The following CACNA1D variants were observed in gnomAD, a reference collection of about 807,000 sequenced individuals.
The protein encoded by CACNA1D is voltage-dependent L-type calcium channel subunit alpha-1D.
Under a neutral mutation model 257.1 loss-of-function variants are expected in CACNA1D, and 55 were observed. The ratio of observed to expected loss-of-function variants is 0.21; its 90% confidence interval spans 0.17 to 0.27. CACNA1D has a LOEUF of 0.27. CACNA1D is among the 10% of genes least tolerant of loss of function. The pLI is 1.00. For synonymous variants in CACNA1D, 980 were observed against 1,014.9 expected, an observed-to-expected ratio of 0.97 and a Z score of 0.65; for missense variants, 1,876 against 2,784.0, an observed-to-expected ratio of 0.67 and a Z score of 7.34.
chr3:53,592,281 AG>A (rs2093316302), intron 3 of CACNA1D, among the ~76,000 whole-genome samples: 1 of 152,240 alleles, frequency 6.6e-6, no homozygotes, highest in Admixed American at 6.5e-5. Flanking sequence ...AAAGAAGTGA[AG>A]GGAGCAAGCT....
In CACNA1D at chr3:53,497,478, G is replaced by A. The variant is rs558061317; in HGVS notation, c.377+17G>A. ...GGAATGGAAGTATCCTTTTTTTGGG[G>A]GAAGTCTTTCTCATTTTCTCTTTTA... On this transcript the variant is annotated intron_variant, in intron 2 of 47. Coordinates refer to ENST00000350061, the MANE Select transcript of CACNA1D (RefSeq NM_001128840.3). 62 of 1,611,550 alleles carry A rather than the reference G, an allele frequency of 3.8e-5. No homozygotes were observed. Among genetic ancestry groups the A allele is most frequent in the Non-Finnish European group, 8.5e-7 (1 of 1,177,990 alleles).
intron 5 of CACNA1D, among the ~76,000 whole-genome samples, chr3:53,661,172 G>A (rs1394711955): frequency 6.6e-6 from 1 of 152,184 alleles, no homozygotes; most frequent in African/African-American, 2.4e-5. Flanking sequence ...TCTGAGGGCT[G>A]GTGCGTCTGA....
intron 46 of CACNA1D, 132 bp from the exon 47 acceptor site, chr3:53,809,846 C>A: frequency 1.2e-6 from 1 of 809,206 alleles, no homozygotes; most frequent in South Asian, 1.4e-5. Context: ...TTCAGTGTGC[C>A]CATGTCCTTT....
chr3:53,548,361 TTTTTTTTTTTA>T (rs1019256471), intron 3 of CACNA1D, among the ~76,000 whole-genome samples: 167 of 138,884 alleles, frequency 1.2e-3, no homozygotes, highest in African/African-American at 4.9e-3. Context: ...GCTTTTTTTT[TTTTTTTTTTTA>T]AAAATTATCT....
chr3:53,691,881 A>T (rs1405743645), intron 8 of CACNA1D, among the ~76,000 whole-genome samples: 4 of 97,896 alleles, frequency 4.1e-5, no homozygotes, highest in East Asian at 3.6e-4. Flanking sequence ...ATTACATATA[A>T]TATATATTAT....
intron 3 of CACNA1D, among the ~76,000 whole-genome samples, chr3:53,615,104 A>G (rs2093622850): frequency 6.6e-6 from 1 of 152,224 alleles, no homozygotes; most frequent in Non-Finnish European, 1.5e-5. Flanking sequence ...ATTGGTCACC[A>G]GACCATCATT....
intron 35 of CACNA1D, among the ~76,000 whole-genome samples, chr3:53,776,325 T>C (rs945441429): frequency 6.6e-6 from 1 of 152,360 alleles, no homozygotes; most frequent in South Asian, 2.1e-4. Flanking sequence ...CCAGTGCATA[T>C]GGTGGTGACC....
intron 42 of CACNA1D, 100 bp from the exon 43 acceptor site, chr3:53,802,047 C>T (rs920612162): frequency 1.9e-6 from 2 of 1,038,760 alleles, no homozygotes; most frequent in East Asian, 2.4e-5. Flanking sequence ...AATTTGCTAA[C>T]CCCTACTCTA....
intron 32 of CACNA1D, among the ~76,000 whole-genome samples, chr3:53,771,140 C>T (rs375426471): frequency 6.6e-5 from 10 of 152,130 alleles, no homozygotes; most frequent in South Asian, 2.1e-4. Flanking sequence ...CAGCTTTTCC[C>T]GTACCTGCCA....
chr3:53,683,254 C>CA (rs2094448376), intron 8 of CACNA1D, among the ~76,000 whole-genome samples: 5 of 152,276 alleles, frequency 3.3e-5, no homozygotes, highest in Non-Finnish European at 7.4e-5. Flanking sequence ...GAAATCTCTC[C>CA]GTGCTGGGAG....
At chr3:53,740,587 G>T in intron 21 of CACNA1D, 2 of 456,290 alleles carry the variant, frequency 4.4e-6, no homozygotes, top group East Asian at 4.0e-5. Context: ...TGTCTTTCGT[G>T]GTTGAGCTAA....
chr3:53,511,431 A>T (rs2091105959), intron 3 of CACNA1D, among the ~76,000 whole-genome samples: 2 of 152,142 alleles, frequency 1.3e-5, no homozygotes, highest in Admixed American at 6.5e-5. Context: ...CATTCAGAGC[A>T]GCACTTTCTA....
intron 39 of CACNA1D, chr3:53,785,886 C>T (rs1232905580): frequency 6.6e-6 from 1 of 152,398 alleles, no homozygotes; most frequent in Non-Finnish European, 1.5e-5. Context: ...TCCTTCCAGC[C>T]TCTGCAAGTT....
intron 32 of CACNA1D, among the ~76,000 whole-genome samples, chr3:53,771,729 T>C (rs34343863): frequency 0.35 from 53,769 of 152,248 alleles, 9,925 homozygotes; most frequent in Non-Finnish European, 0.41. Context: ...AAGATTCAAT[T>C]TGCCACAGAT....
intron 45 of CACNA1D, among the ~76,000 whole-genome samples, chr3:53,806,171 T>C (rs1433639422): frequency 0.012 from 389 of 32,354 alleles, no homozygotes; most frequent in Non-Finnish European, 0.015. Context: ...TCCCTCCCCC[T>C]CTCCTCCCTC....
At chr3:53,574,656 C>A (rs955218317) in intron 3 of CACNA1D, among the ~76,000 whole-genome samples, 1 of 151,934 alleles carries the variant, frequency 6.6e-6, no homozygotes, top group African/African-American at 2.4e-5. Flanking sequence ...GGCATCTCCC[C>A]CACCCCCAGC....
intron 3 of CACNA1D, among the ~76,000 whole-genome samples, chr3:53,574,332 C>T (rs2092999068): frequency 6.6e-6 from 1 of 152,190 alleles, no homozygotes; most frequent in African/African-American, 2.4e-5. Flanking sequence ...CTCCTTTGAA[C>T]CCTTCTCACC....
Position 53,623,631 on chromosome 3 carries a change from A to G in CACNA1D, c.484-27148A>G, listed in dbSNP as rs6792372. On this transcript the variant is annotated intron_variant, in intron 3 of 47. Transcript: ENST00000350061. ...TTATCACCCTTTGTTACACAGTGCTATTTTGTTTATCTTCTTTAAAATTCC... is the reference window on the plus strand; with the variant it reads ...TTATCACCCTTTGTTACACAGTGCTGTTTTGTTTATCTTCTTTAAAATTCC... 1.5e-3 allele frequency among the ~76,000 whole-genome samples: 183 copies of G among 125,142 alleles called. 2 individuals carry two copies. Among genetic ancestry groups the G allele is most frequent in the African/African-American group, 4.9e-3 (179 of 36,670 alleles). 82.1% of individuals were successfully genotyped at this position (125,142 alleles called of 152,430 possible).
At chr3:53,533,798 G>A (rs911034412) in intron 3 of CACNA1D, among the ~76,000 whole-genome samples, 5 of 152,114 alleles carry the variant, frequency 3.3e-5, no homozygotes, top group African/African-American at 1.2e-4. Context: ...TTTTCAGCCT[G>A]GCTTTTACAA....
Sources: gnomAD v4.1 joint callset for allele counts (sites outside exome capture counted in the v4.1 genomes callset) on GRCh38, gnomAD v4.1.1 for gene constraint, MANE v1.5 for transcripts, NCBI Gene and HGNC (gene_info 2026-07-23, HGNC 2026-07-21) for gene names.